Variants in SMYD4 observed in about 807,000 individuals in gnomAD.
The protein encoded by SMYD4 is SET and MYND domain containing 4.
SMYD4 carries 68 observed loss-of-function variants against 72.8 expected under a neutral mutation model. That is an observed-to-expected ratio of 0.93 (90% CI 0.77 to 1.14). The LOEUF (loss-of-function observed/expected upper bound fraction) is 1.14. SMYD4 is among the 50% of genes most tolerant of loss of function. The pLI is 0.00. For missense variants in SMYD4, 984 were observed against 1,003.7 expected (o/e 0.98, Z 0.27); for synonymous variants, 407 against 388.6 (o/e 1.05, Z -0.56).
At chr17:1,812,272 A>T (rs1251837140) in intron 2 of SMYD4, among the ~76,000 whole-genome samples, 157 bp from the exon 3 acceptor site, 1 of 152,200 alleles carries the variant, frequency 6.6e-6, no homozygotes, top group Non-Finnish European at 1.5e-5. Flanking sequence ...AAGAAATCTC[A>T]TAGTCTCAGA....
At chr17:1,818,684 G>A in intron 2 of SMYD4, among the ~76,000 whole-genome samples, 1 of 151,630 alleles carries the variant, frequency 6.6e-6, no homozygotes, top group Non-Finnish European at 1.5e-5. Flanking sequence ...TTTCGAGACA[G>A]GTCTCACTTC....
In SMYD4 at chr17:1,783,038, T is replaced by C. The variant is rs144873215; in HGVS notation, c.2258A>G (p.Asn753Ser). 21 of 1,613,838 alleles carry C rather than the reference T, an allele frequency of 1.3e-5. No individual in the cohort carries two copies. In the Admixed American group the frequency reaches 1.5e-4, roughly 12 times the overall value. ...GTGAAGTGGGAAAGGGACTCACCCGTTGAAAAAGATCTGGGCCAATTTGAA... is the reference window on the plus strand; with the variant it reads ...GTGAAGTGGGAAAGGGACTCACCCGCTGAAAAAGATCTGGGCCAATTTGAA... ...ELFKLAQIFF[N>S]GFAVPEALST... The change falls in exon 10 of 11, where the codon AAC (asparagine) becomes AGC (serine). Residue 753 changes from asparagine to serine, a missense_variant. Physicochemically the swap from Asn to Ser is conservative, Grantham distance 46. Transcript: ENST00000305513.
At chr17:1,786,096 C>T (rs1908676653) in intron 7 of SMYD4, among the ~76,000 whole-genome samples, 1 of 152,222 alleles carries the variant, frequency 6.6e-6, no homozygotes, top group Admixed American at 6.5e-5. Flanking sequence ...CTTCCTCTGG[C>T]CCAAATGGCT....
At chr17:1,783,194 C>G (rs1908463796) in intron 9 of SMYD4, 36 bp from the exon 10 acceptor site, 1 of 1,613,726 alleles carries the variant, frequency 6.2e-7, no homozygotes, top group Non-Finnish European at 8.5e-7. Flanking sequence ...CAGAAAAGAA[C>G]CACTGTCAAC....
At position 1,800,479 on chromosome 17, in the gene SMYD4, G is replaced by A. The variant is rs141337604; in HGVS notation, c.915C>T (p.Ala305=). ...AACTGCATCCGTCACACGGAACTGTGGCCAAAGTGTGCTTCAAACATCGGT... is the reference window on the plus strand; with the variant it reads ...AACTGCATCCGTCACACGGAACTGTAGCCAAAGTGTGCTTCAAACATCGGT... ...YCHRCLKHTL[A]TVPCDGCSYA... The change falls in exon 5 of 11, where the codon GCC becomes GCT. Residue 305 remains alanine, a synonymous_variant. Transcript: ENST00000305513. 1.2e-6 allele frequency: 2 copies of A among 1,614,024 alleles called. No homozygotes were observed. Among genetic ancestry groups the A allele is most frequent in the African/African-American group, 2.7e-5 (2 of 74,924 alleles).
intron 2 of SMYD4, among the ~76,000 whole-genome samples, chr17:1,816,547 G>A (rs1028698040): frequency 6.6e-6 from 1 of 151,598 alleles, no homozygotes; most frequent in Admixed American, 6.6e-5. Flanking sequence ...TTGAACCCAG[G>A]AGGCGGAGGT....
chr17:1,801,046 C>A (rs1909721384), intron 4 of SMYD4, 22 bp from the exon 5 acceptor site: 4 of 1,574,182 alleles, frequency 2.5e-6, no homozygotes, highest in African/African-American at 1.4e-5. Context: ...AAGAAAATCC[C>A]ACAATGACCC....
In SMYD4 at chr17:1,812,031, T is replaced by C. The variant is rs764375079; in HGVS notation, c.219A>G (p.Glu73=). The change falls in exon 3 of 11, where the codon GAA becomes GAG. Residue 73 remains glutamate (E), a synonymous_variant. Coordinates refer to ENST00000305513, the MANE Select transcript of SMYD4 (RefSeq NM_052928.3). ...KDSDAPLFYR[E]EGNKKFQEKD... is the part of the protein sequence containing the mutation. The stretch of plus-strand genomic sequence containing the variant: ...TCTCCTGAAATTTTTTGTTTCCTTC[T>C]TCTCTGTAGAAAAGAGGAGCGTCCG... 2.5e-6 allele frequency: 4 copies of C among 1,614,080 alleles called. No homozygotes were observed. The highest frequency in any genetic ancestry group is 4.5e-5 in the East Asian group (2 of 44,892).
At chr17:1,783,619 G>A (rs1282881101) in intron 8 of SMYD4, 143 bp from the exon 9 acceptor site, 4 of 1,381,048 alleles carry the variant, frequency 2.9e-6, no homozygotes, top group South Asian at 1.5e-5. Flanking sequence ...AACGCACAAT[G>A]TCTGTTCCAA....
At chr17:1,783,262 TAC>T in intron 9 of SMYD4, 96 bp downstream of exon 9, 19 of 1,611,080 alleles carry the variant, frequency 1.2e-5, no homozygotes, top group Non-Finnish European at 1.5e-5. Flanking sequence ...ACCCTCAGTT[TAC>T]AGAGCGGGGG....
Position 1,811,989 on chromosome 17 carries a change from A to C in SMYD4, c.261T>G (p.Ala87=), listed in dbSNP as rs138421699. ...KKFQEKDYTG[A]AVLYSKGVSH... The stretch of plus-strand genomic sequence containing the variant: ...GTTTTACCTTAGAGTACAGCACTGC[A>C]GCTCCTGTGTAATCTTTCTCCTGAA... The change falls in exon 3 of 11, where the codon GCT becomes GCG. Residue 87 remains alanine (A), a synonymous_variant. Coordinates refer to ENST00000305513, the MANE Select transcript of SMYD4 (RefSeq NM_052928.3). The C allele has an allele frequency of 8.7e-5, 140 of 1,614,012 alleles. No homozygotes were observed. Among genetic ancestry groups the C allele is most frequent in the Admixed American group, 1.8e-4 (11 of 59,976 alleles).
chr17:1,812,231 G>A, intron 2 of SMYD4, 116 bp from the exon 3 acceptor site: 1 of 1,158,332 alleles, frequency 8.6e-7, no homozygotes, highest in South Asian at 1.4e-5. Context: ...CACACATGAG[G>A]ATATGTACAT....
chr17:1,818,742 C>G (rs1910756786), intron 2 of SMYD4, among the ~76,000 whole-genome samples: 1 of 151,980 alleles, frequency 6.6e-6, no homozygotes, highest in African/African-American at 2.4e-5. Flanking sequence ...TCACTGCAAC[C>G]TCTACCTCCT....
rs1908753058 is a variant in SMYD4, at chr17:1,787,416, G to A, written c.1720+6C>T. 8 of 1,553,648 alleles carry A rather than the reference G, an allele frequency of 5.1e-6. No homozygotes were observed. The highest frequency in any genetic ancestry group is 7.0e-6 in the Non-Finnish European group (8 of 1,148,818). ...GGCAGGATGGCAGTGCGGAGGGATG[G>A]CTCACCATAGCAGTGGAGAATCTCT... On this transcript the variant is annotated splice_donor_region_variant and intron_variant, in intron 6 of 10. Coordinates refer to ENST00000305513, the MANE Select transcript of SMYD4 (RefSeq NM_052928.3).
chr17:1,809,003 T>A (rs1256503153), intron 3 of SMYD4, among the ~76,000 whole-genome samples: 1 of 152,174 alleles, frequency 6.6e-6, no homozygotes, highest in African/African-American at 2.4e-5. Context: ...ATAAACCTGT[T>A]AAAGATTCAG....
rs546171787 is a variant in SMYD4 at position 1,793,995 on chromosome 17, G to GTA, written c.1537+5860_1537+5861dup. Among the ~76,000 whole-genome samples, 340 of 91,602 alleles carry GTA rather than the reference G, an allele frequency of 3.7e-3. 4 individuals are homozygous for GTA. The highest frequency in any genetic ancestry group is 7.5e-3 in the Middle Eastern group (1 of 134). 60.1% of individuals were successfully genotyped at this position (91,602 alleles called of 152,430 possible). A position where few individuals can be genotyped will look rare whatever the true frequency, so the allele number is the denominator to read the frequency against. On this transcript the variant is annotated intron_variant, in intron 5 of 10. Transcript: ENST00000305513. ...ACCACCACGCTTGGCTAATTTTTGT[G>GTA]TATATATATATGTATATATATATAT...
chr17:1,791,137 A>AAAT (rs1390474737), intron 5 of SMYD4, among the ~76,000 whole-genome samples: 2 of 146,086 alleles, frequency 1.4e-5, no homozygotes, highest in Non-Finnish European at 3.0e-5. Context: ...AAAAAAAAAA[A>AAAT]AGATAGATTC....
In SMYD4 at chr17:1,796,299, G is replaced by GTTTTTTTTTT. The variant is rs35650939; in HGVS notation, c.1537+3548_1537+3557dup. On this transcript the variant is annotated intron_variant, in intron 5 of 10. Coordinates refer to ENST00000305513, the MANE Select transcript of SMYD4 (RefSeq NM_052928.3). Reference sequence around the variant, plus strand: ...CAGGCACATGCCACCATGCCTGGCTGTTTTTTTTTTTTTTTTTTGTAGAGA... The same window carrying GTTTTTTTTTT: ...CAGGCACATGCCACCATGCCTGGCTGTTTTTTTTTTTTTTTTTTTTTTTTTTTTGTAGAGA... 5.5e-5 allele frequency among the ~76,000 whole-genome samples: 6 copies of GTTTTTTTTTT among 109,574 alleles called. 1 individual carries two copies. Among genetic ancestry groups the GTTTTTTTTTT allele is most frequent in the South Asian group, 3.0e-4 (1 of 3,372 alleles). The allele number at this position is 109,574 out of a possible 152,430, so 71.9% of individuals were successfully genotyped here.
In SMYD4 at chr17:1,800,043, A is replaced by C. The variant is rs1458534286; in HGVS notation, c.1351T>G (p.Cys451Gly). 3 of 1,613,944 alleles carry C rather than the reference A, an allele frequency of 1.9e-6. No homozygotes were observed. In the South Asian group the frequency reaches 3.3e-5, roughly 18 times the overall value. ...AAACTGGCTGCTTCTAGCTGTCTGC[A>C]CAGTGCAGAAACACAGAGAGCACAG... The part of the protein sequence containing the change: ...FLCALCVSAL[C>G]RQLEAASLQA... Residue 451 changes from cysteine to glycine, a missense_variant, in exon 5 of 11, where the codon TGC becomes GGC. Physicochemically the swap from Cys to Gly is radical, Grantham distance 159 (BLOSUM62 -3). Transcript: ENST00000305513.
Sources: gnomAD v4.1 joint callset for allele counts (sites outside exome capture counted in the v4.1 genomes callset) on GRCh38, gnomAD v4.1.1 for gene constraint, MANE v1.5 for transcripts, NCBI Gene and HGNC (gene_info 2026-07-23, HGNC 2026-07-21) for gene names.